The following PDE6D variants were observed in gnomAD, a reference collection of about 807,000 sequenced individuals.
PDE6D encodes retinal rod rhodopsin-sensitive cGMP 3',5'-cyclic phosphodiesterase subunit delta.
Under a neutral mutation model 21.9 loss-of-function variants are expected in PDE6D, and 10 were observed. The ratio of observed to expected loss-of-function variants is 0.46; its 90% CI spans 0.28 to 0.78. The LOEUF is 0.78. PDE6D is among the 30% of genes least tolerant of loss of function. PDE6D has a pLI of 0.12. For missense variants in PDE6D, 139 were observed against 184.8 expected (o/e 0.75, Z 1.44); for synonymous variants, 59 against 63.5 (o/e 0.93, Z 0.34).
chr2:231,760,222 C>A lies in PDE6D; in HGVS notation c.50+20843G>T, dbSNP rs980580662. ...ACTTTACCAAGATATGGAAAGAATT[C>A]TGTTGTCACATGATTTGTGTTACAC... On this transcript the variant is annotated intron_variant, in intron 1 of 4. Transcript: ENST00000287600. 2.6e-5 allele frequency among the ~76,000 whole-genome samples: 4 copies of A among 152,150 alleles called. No homozygotes were observed. The East Asian group carries it at 7.7e-4, about 29-fold the overall frequency.
intron 1 of PDE6D, among the ~76,000 whole-genome samples, chr2:231,743,011 C>G (rs1008939757): frequency 6.6e-6 from 1 of 152,168 alleles, no homozygotes; most frequent in African/African-American, 2.4e-5. Flanking sequence ...TACCCTTTCC[C>G]ATTGTTTGAA....
Position 231,781,058 on chromosome 2 carries a change from C to T in PDE6D, c.50+7G>A. 1 of 1,612,164 alleles carries T rather than the reference C, an allele frequency of 6.2e-7. No individual in the cohort carries two copies. Among genetic ancestry groups the T allele is most frequent in the South Asian group, 1.1e-5 (1 of 91,044 alleles). On this transcript the variant is annotated splice_region_variant and intron_variant, in intron 1 of 4. Coordinates refer to ENST00000287600, the MANE Select transcript of PDE6D (RefSeq NM_002601.4). ...CTCCCGGCCCCGCCCCGCTCCCGGACGGATACAGTTTGAAGCCCCTCAGGA... is the reference window on the plus strand; with the variant it reads ...CTCCCGGCCCCGCCCCGCTCCCGGATGGATACAGTTTGAAGCCCCTCAGGA...
intron 4 of PDE6D, among the ~76,000 whole-genome samples, chr2:231,733,390 G>A (rs114748100): frequency 2.3e-3 from 345 of 152,282 alleles, no homozygotes; most frequent in Non-Finnish European, 3.6e-3. Context: ...CTTACATATA[G>A]AAGCCTGCAG....
At chr2:231,772,635 T>G (rs2049024540) in intron 1 of PDE6D, among the ~76,000 whole-genome samples, 1 of 152,144 alleles carries the variant, frequency 6.6e-6, no homozygotes, top group Non-Finnish European at 1.5e-5. Context: ...ACACGAGGAT[T>G]TGTGGATGCA....
intron 1 of PDE6D, among the ~76,000 whole-genome samples, chr2:231,780,820 C>T (rs2049111195): frequency 6.6e-6 from 1 of 152,156 alleles, no homozygotes; most frequent in Non-Finnish European, 1.5e-5. Flanking sequence ...CCCCCAGGCT[C>T]CCCCGTCTCC....
At chr2:231,766,399 G>A (rs1281209191) in intron 1 of PDE6D, among the ~76,000 whole-genome samples, 1 of 152,182 alleles carries the variant, frequency 6.6e-6, no homozygotes, top group African/African-American at 2.4e-5. Flanking sequence ...GTACAGTTAT[G>A]TGCCTGGAAC....
chr2:231,775,936 T>G (rs1249797856), intron 1 of PDE6D, among the ~76,000 whole-genome samples: 1 of 152,234 alleles, frequency 6.6e-6, no homozygotes, highest in Non-Finnish European at 1.5e-5. Flanking sequence ...TATGGAAGTC[T>G]GTCAGTTTCT....
intron 1 of PDE6D, among the ~76,000 whole-genome samples, chr2:231,760,142 T>C (rs2048914757): frequency 6.6e-6 from 1 of 152,176 alleles, no homozygotes; most frequent in Admixed American, 6.5e-5. Context: ...CCTTATCAAA[T>C]GGGTCACATC....
intron 1 of PDE6D, among the ~76,000 whole-genome samples, chr2:231,777,996 G>A (rs896725767): frequency 4.6e-5 from 7 of 152,172 alleles, no homozygotes; most frequent in South Asian, 2.1e-4. Context: ...GGCCAGGCAC[G>A]GTGGCTCATG....
At chr2:231,760,179 G>A (rs1171896387) in intron 1 of PDE6D, among the ~76,000 whole-genome samples, 1 of 152,126 alleles carries the variant, frequency 6.6e-6, no homozygotes, top group Non-Finnish European at 1.5e-5. Flanking sequence ...TAAATCAATA[G>A]AAGAAAGTAA....
intron 1 of PDE6D, among the ~76,000 whole-genome samples, chr2:231,752,965 G>T (rs1455027462): frequency 1.4e-4 from 21 of 150,340 alleles, no homozygotes; most frequent in South Asian, 2.1e-4. Flanking sequence ...TCGAGTAGCT[G>T]GGACTACAGG....
intron 1 of PDE6D, among the ~76,000 whole-genome samples, chr2:231,743,005 C>T (rs2048762419): frequency 6.6e-6 from 1 of 152,196 alleles, no homozygotes; most frequent in Non-Finnish European, 1.5e-5. Flanking sequence ...CTCAGATACC[C>T]TTTCCCATTG....
intron 1 of PDE6D, among the ~76,000 whole-genome samples, chr2:231,747,247 C>T (rs1453257452): frequency 1.3e-5 from 2 of 152,164 alleles, no homozygotes; most frequent in African/African-American, 4.8e-5. Flanking sequence ...TGCGCCACCA[C>T]ACCTGGCTAA....
At chr2:231,775,559 GCAA>G (rs2049049470) in intron 1 of PDE6D, among the ~76,000 whole-genome samples, 1 of 146,598 alleles carries the variant, frequency 6.8e-6, no homozygotes, top group Non-Finnish European at 1.5e-5. Context: ...CTAGGCTCAA[GCAA>G]TCCACCCACC....
intron 1 of PDE6D, among the ~76,000 whole-genome samples, chr2:231,762,806 TCAGA>T (rs1449071704): frequency 2.0e-5 from 3 of 152,030 alleles, no homozygotes; most frequent in Non-Finnish European, 4.4e-5. Flanking sequence ...CAAGAAAATC[TCAGA>T]CAGAGATCTT....
intron 3 of PDE6D, 94 bp from the exon 4 acceptor site, chr2:231,737,386 C>G: frequency 1.6e-6 from 1 of 634,636 alleles, no homozygotes; most frequent in Non-Finnish European, 2.8e-6. Flanking sequence ...CTCTTCCTAC[C>G]CTGAGAACCA....
At position 231,778,222 on chromosome 2, in the gene PDE6D, C is replaced by T. The variant is rs949609421; in HGVS notation, c.50+2843G>A. On this transcript the variant is annotated intron_variant, in intron 1 of 4. Coordinates refer to ENST00000287600, the MANE Select transcript of PDE6D (RefSeq NM_002601.4). ...CGGAGGTTGCAGTGAGCCAAGATTG[C>T]GCCACTGCATTCCAACTTGGGCAAC... Among the ~76,000 whole-genome samples the T allele has an allele frequency of 5.3e-5, 8 of 152,254 alleles. No homozygotes were observed. The East Asian group carries it at 9.6e-4, about 18-fold the overall frequency.
intron 1 of PDE6D, among the ~76,000 whole-genome samples, chr2:231,766,031 AT>A (rs947602724): frequency 3.9e-5 from 6 of 152,356 alleles, no homozygotes; most frequent in African/African-American, 1.2e-4. Context: ...ATTCACGGTC[AT>A]TTAAATGCAT....
chr2:231,755,561 T>C (rs1054364258), intron 1 of PDE6D, among the ~76,000 whole-genome samples: 1 of 152,002 alleles, frequency 6.6e-6, no homozygotes, highest in Admixed American at 6.6e-5. Context: ...ACCCTGTCTC[T>C]ATGAAAATAC....
Sources: allele counts gnomAD v4.1 joint callset (sites outside exome capture counted in the v4.1 genomes callset), GRCh38; gene constraint gnomAD v4.1.1; transcripts MANE v1.5; gene names NCBI Gene and HGNC (gene_info 2026-07-23, HGNC 2026-07-21).